The following CCDC85A variants were observed in gnomAD, a reference collection of about 807,000 sequenced individuals.
CCDC85A encodes the protein coiled-coil domain containing 85A, also known as coiled-coil domain-containing protein 85A.
A neutral mutation model predicts 50.2 loss-of-function variants in CCDC85A; 38 were observed. The ratio of observed to expected loss-of-function variants is 0.76; its 90% CI spans 0.58 to 0.99. The LOEUF is 0.99. CCDC85A is among the 50% of genes least tolerant of loss of function. The pLI is 0.00. For missense variants in CCDC85A, 820 were observed against 742.0 expected, an observed-to-expected ratio of 1.11 and a Z score of -1.22; for synonymous variants, 366 against 301.4, an observed-to-expected ratio of 1.21 and a Z score of -2.22.
intron 3 of CCDC85A, among the ~76,000 whole-genome samples, chr2:56,356,303 G>T (rs916400348): frequency 6.6e-6 from 1 of 152,180 alleles, no homozygotes; most frequent in Admixed American, 6.5e-5. Context: ...TATCAACTTT[G>T]TATTTTGCAA....
chr2:56,222,356 C>G (rs1410174396), intron 2 of CCDC85A, among the ~76,000 whole-genome samples: 3 of 152,056 alleles, frequency 2.0e-5, no homozygotes, highest in Non-Finnish European at 2.9e-5. Flanking sequence ...TTTTGATATA[C>G]ATTAAAAATG....
intron 2 of CCDC85A, among the ~76,000 whole-genome samples, chr2:56,329,957 T>TTG (rs1673695094): frequency 2.1e-5 from 2 of 93,936 alleles, no homozygotes; most frequent in East Asian, 6.4e-4. Flanking sequence ...TTTTTTTTTT[T>TTG]TTTTTTTTTT....
At chr2:56,375,647 A>C (rs1338523730) in intron 4 of CCDC85A, among the ~76,000 whole-genome samples, 169 bp from the exon 5 acceptor site, 1 of 152,204 alleles carries the variant, frequency 6.6e-6, no homozygotes, top group Non-Finnish European at 1.5e-5. Context: ...CTTGCTGGTC[A>C]AGCAGCAAGT....
At chr2:56,295,262 T>C (rs1466689245) in intron 2 of CCDC85A, among the ~76,000 whole-genome samples, 5 of 152,206 alleles carry the variant, frequency 3.3e-5, no homozygotes, top group Non-Finnish European at 7.3e-5. Flanking sequence ...TTCAAGTATT[T>C]ACTTTTTGCT....
At chr2:56,362,685 C>T (rs774150225) in intron 3 of CCDC85A, among the ~76,000 whole-genome samples, 1 of 151,998 alleles carries the variant, frequency 6.6e-6, no homozygotes, top group Non-Finnish European at 1.5e-5. Flanking sequence ...GTGGTGTGAT[C>T]TCAGCTCATT....
intron 4 of CCDC85A, among the ~76,000 whole-genome samples, chr2:56,374,909 G>A (rs1197844301): frequency 6.6e-6 from 1 of 152,180 alleles, no homozygotes; most frequent in Non-Finnish European, 1.5e-5. Context: ...AACTTGAATG[G>A]AGCAATTACT....
intron 2 of CCDC85A, among the ~76,000 whole-genome samples, chr2:56,332,728 G>A (rs866682328): frequency 6.2e-5 from 8 of 130,062 alleles, no homozygotes; most frequent in Admixed American, 2.1e-4. Flanking sequence ...ACCTTTTTGA[G>A]CCTGGTGAAC....
At chr2:56,342,855 T>G in intron 2 of CCDC85A, 24 bp from the exon 3 acceptor site, 1 of 1,510,204 alleles carries the variant, frequency 6.6e-7, no homozygotes, top group South Asian at 1.2e-5. Context: ...GTGTATAATG[T>G]GAGTTCTTTC....
intron 3 of CCDC85A, among the ~76,000 whole-genome samples, chr2:56,370,843 G>T (rs1004324875): frequency 6.6e-6 from 1 of 151,960 alleles, no homozygotes; most frequent in Non-Finnish European, 1.5e-5. Context: ...TTACTCAGTT[G>T]TTAAATCCAA....
chr2:56,256,592 T>C (rs1338053767), intron 2 of CCDC85A, among the ~76,000 whole-genome samples: 2 of 152,252 alleles, frequency 1.3e-5, no homozygotes, highest in Admixed American at 6.5e-5. Flanking sequence ...AGGGGATAGG[T>C]CTTCTTTGTT....
intron 2 of CCDC85A, among the ~76,000 whole-genome samples, chr2:56,196,968 A>T (rs1320009740): frequency 1.3e-5 from 2 of 152,020 alleles, no homozygotes; most frequent in African/African-American, 4.8e-5. Context: ...TTCAGTGAGC[A>T]GTAACATTGT....
intron 2 of CCDC85A, among the ~76,000 whole-genome samples, chr2:56,234,186 C>T (rs1668898837): frequency 6.6e-6 from 1 of 152,118 alleles, no homozygotes; most frequent in Admixed American, 6.5e-5. Context: ...GGAGTGAAAC[C>T]ATGAGCCCAT....
intron 3 of CCDC85A, among the ~76,000 whole-genome samples, chr2:56,349,476 T>G (rs919342818): frequency 1.3e-5 from 2 of 152,140 alleles, no homozygotes; most frequent in Non-Finnish European, 1.5e-5. Context: ...AGGGAAAAGC[T>G]AAAATTTGTC....
intron 2 of CCDC85A, among the ~76,000 whole-genome samples, chr2:56,293,914 G>T (rs111966568): frequency 0.043 from 6,561 of 152,146 alleles, 485 homozygotes; most frequent in African/African-American, 0.15. Flanking sequence ...TCAAAGATTT[G>T]GAACCAGAAA....
chr2:56,337,237 T>A (rs994277905), intron 2 of CCDC85A, among the ~76,000 whole-genome samples: 5 of 152,246 alleles, frequency 3.3e-5, no homozygotes, highest in Admixed American at 6.5e-5. Flanking sequence ...CAAAGAATAG[T>A]TCCTGCTTTG....
intron 3 of CCDC85A, among the ~76,000 whole-genome samples, chr2:56,365,186 C>G (rs1675728787): frequency 6.6e-6 from 1 of 152,200 alleles, no homozygotes; most frequent in African/African-American, 2.4e-5. Flanking sequence ...TGAATTGAAG[C>G]TGCTTACTAC....
chr2:56,323,151 G>T (rs1373899990), intron 2 of CCDC85A, among the ~76,000 whole-genome samples: 6 of 152,082 alleles, frequency 3.9e-5, no homozygotes, highest in African/African-American at 7.2e-5. Context: ...TTGTGGGGTG[G>T]GTGAAGCGGG....
At chr2:56,324,658 G>T (rs915107072) in intron 2 of CCDC85A, among the ~76,000 whole-genome samples, 1 of 151,994 alleles carries the variant, frequency 6.6e-6, no homozygotes, top group African/African-American at 2.4e-5. Flanking sequence ...GTTGTTATTT[G>T]CACTTCTACA....
chr2:56,300,594 T>G (rs1401109570), intron 2 of CCDC85A, among the ~76,000 whole-genome samples: 1 of 152,228 alleles, frequency 6.6e-6, no homozygotes, highest in Non-Finnish European at 1.5e-5. Flanking sequence ...ATGAATGCCC[T>G]TGTATGCTTA....
Sources: gnomAD v4.1 joint callset for allele counts (sites outside exome capture counted in the v4.1 genomes callset) on GRCh38, gnomAD v4.1.1 for gene constraint, MANE v1.5 for transcripts, NCBI Gene and HGNC (gene_info 2026-07-23, HGNC 2026-07-21) for gene names.